The following DNAH17 variants were observed in gnomAD, a reference collection of about 807,000 sequenced individuals.
DNAH17 encodes axonemal beta dynein heavy chain 17.
DNAH17 carries 376 observed loss-of-function variants against 485.6 expected under a neutral mutation model. The observed-to-expected ratio is 0.77, with a 90% CI of 0.71 to 0.84. DNAH17 has a LOEUF of 0.84. Ranked by LOEUF, DNAH17 falls within the 40% of genes least tolerant of loss-of-function variation. The pLI, the probability that DNAH17 is intolerant of heterozygous loss-of-function variation, is 0.00. For missense variants in DNAH17, 6,370 were observed against 5,839.3 expected (o/e 1.09, Z -2.96); for synonymous variants, 3,031 against 2,405.9 (o/e 1.26, Z -7.60).
At chr17:78,489,439 A>T (rs1171752867) in intron 44 of DNAH17, 1 of 152,152 alleles carries the variant, frequency 6.6e-6, no homozygotes, top group East Asian at 1.9e-4. Flanking sequence ...TGCCTCCTCC[A>T]TACCTCATTG....
rs764728495 is a variant in DNAH17 at position 78,459,135 on chromosome 17, A to T, written c.9727T>A (p.Ser3243Thr). The T allele has an allele frequency of 1.9e-6, 3 of 1,613,980 alleles. No homozygotes were observed. Among genetic ancestry groups the T allele is most frequent in the Non-Finnish European group, 1.7e-6 (2 of 1,179,896 alleles). The change falls in exon 61 of 81, where the codon TCC (serine) becomes ACC (threonine). Residue 3243 changes from serine to threonine, a missense_variant. Transcript: ENST00000389840. Reference sequence around the variant, plus strand: ...AAGCGGACGATGTTGATGCACCAGGAGCACAGGCCGGCGGCGGCCGTGGAC... The same window carrying T: ...AAGCGGACGATGTTGATGCACCAGGTGCACAGGCCGGCGGCGGCCGTGGAC... ...SKSTAAAGLC[S>T]WCINIVRFYE... is the part of the protein sequence containing the mutation.
intron 31 of DNAH17, among the ~76,000 whole-genome samples, chr17:78,505,001 G>A (rs1327344333): frequency 7.0e-6 from 1 of 143,354 alleles, no homozygotes; most frequent in Admixed American, 7.5e-5. Flanking sequence ...TGCCTCCCGG[G>A]TTCAAGCGAT....
At chr17:78,462,795 G>A in intron 57 of DNAH17, 49 bp downstream of exon 57, 1 of 1,586,122 alleles carries the variant, frequency 6.3e-7, no homozygotes, top group African/African-American at 1.3e-5. Context: ...GCTCCTGCGA[G>A]GCCTCCAGGG....
intron 62 of DNAH17, chr17:78,458,319 C>T (rs541947979): frequency 5.4e-5 from 29 of 539,194 alleles, no homozygotes; most frequent in Non-Finnish European, 7.3e-5. Context: ...GATCAAGCCC[C>T]GTGGGACCCA....
intron 16 of DNAH17, among the ~76,000 whole-genome samples, chr17:78,544,340 G>A (rs1479628505): frequency 1.1e-4 from 16 of 152,152 alleles, no homozygotes; most frequent in African/African-American, 3.1e-4. Context: ...CCCGAGCGTC[G>A]AGGAGTGTGT....
At chr17:78,508,377 T>G (rs971640472) in intron 27 of DNAH17, among the ~76,000 whole-genome samples, 7 of 152,218 alleles carry the variant, frequency 4.6e-5, no homozygotes, top group Non-Finnish European at 8.8e-5. Flanking sequence ...AGCTCTCACC[T>G]TCCAGCCTCT....
intron 75 of DNAH17, 55 bp from the exon 76 acceptor site, chr17:78,429,355 A>C: frequency 1.9e-6 from 3 of 1,566,500 alleles, no homozygotes; most frequent in South Asian, 1.1e-5. Context: ...CTTCTCTGCC[A>C]TGAGAGGGTC....
In DNAH17 at chr17:78,514,888, G is replaced by T. The variant is rs762027053; in HGVS notation, c.3999C>A (p.Phe1333Leu). 1.2e-6 allele frequency: 2 copies of T among 1,614,052 alleles called. No individual in the cohort carries two copies. The highest frequency in any genetic ancestry group is 1.3e-5 in the African/African-American group (1 of 75,060). Residue 1333 changes from phenylalanine to leucine, a missense_variant, in exon 26 of 81, where the codon TTC becomes TTA. Phe to Leu is a conservative substitution (Grantham distance 22, BLOSUM62 0). Coordinates refer to ENST00000389840, the MANE Select transcript of DNAH17 (RefSeq NM_173628.4). The part of the protein sequence containing the change: ...LDKEMKTWDA[F>L]VGLDNTVKNV... ...TTTTCACGGTGTTGTCGAGCCCCAC[G>T]AAGGCATCCCAGGTTTTCATCTCCT...
In DNAH17 at chr17:78,462,931, G is replaced by C. The variant is rs377174623; in HGVS notation, c.9087C>G (p.Asn3029Lys). ...TFLEQIKLYQ[N>K]LLAKKRTELV... ...GTTCCGTTCTCTTCTTGGCCAGCAG[G>C]TTCTGGTACAGTTTGATCTGCTCCA... The change falls in exon 57 of 81, where the codon AAC (asparagine) becomes AAG (lysine). Residue 3029 changes from asparagine to lysine, a missense_variant. Asn to Lys is a moderately conservative substitution (Grantham distance 94, BLOSUM62 0). Coordinates refer to ENST00000389840, the MANE Select transcript of DNAH17 (RefSeq NM_173628.4). 2.5e-6 allele frequency: 4 copies of C among 1,613,856 alleles called. No homozygotes were observed. Among genetic ancestry groups the C allele is most frequent in the African/African-American group, 2.7e-5 (2 of 74,898 alleles).
At chr17:78,544,342 G>C (rs974911321) in intron 16 of DNAH17, among the ~76,000 whole-genome samples, 6 of 152,210 alleles carry the variant, frequency 3.9e-5, no homozygotes, top group Admixed American at 6.5e-5. Context: ...CGAGCGTCGA[G>C]GAGTGTGTGG....
At chr17:78,480,330 C>T (rs1044129264) in intron 49 of DNAH17, among the ~76,000 whole-genome samples, 6 of 151,914 alleles carry the variant, frequency 3.9e-5, no homozygotes, top group Non-Finnish European at 7.4e-5. Context: ...GCCTGGGTGA[C>T]AGAGTGAGAC....
At chr17:78,474,044 A>G (rs2088896862) in intron 54 of DNAH17, among the ~76,000 whole-genome samples, 1 of 152,238 alleles carries the variant, frequency 6.6e-6, no homozygotes, top group Non-Finnish European at 1.5e-5. Context: ...GGCAGAGAAC[A>G]GCCAGCCAGA....
intron 42 of DNAH17, 106 bp from the exon 43 acceptor site, chr17:78,491,676 A>AC: frequency 1.4e-6 from 2 of 1,463,544 alleles, no homozygotes. Flanking sequence ...CCTGTCCCCT[A>AC]CTTCAGAGGA....
rs1349919885 is a variant in DNAH17 at position 78,558,482 on chromosome 17, CATGGGTGGATG to C, written c.2032-239_2032-229del. ...CCTCATGGGTGGATGACATCACCCT[CATGGGTGGATG>C]ACATCACCCTCATGGGTGGATGACA... On this transcript the variant is annotated intron_variant, in intron 13 of 80. Coordinates refer to ENST00000389840, the MANE Select transcript of DNAH17 (RefSeq NM_173628.4). 3.6e-3 allele frequency among the ~76,000 whole-genome samples: 537 copies of C among 149,280 alleles called. 5 individuals are homozygous for C. The highest frequency in any genetic ancestry group is 0.013 in the African/African-American group (512 of 39,210).
chr17:78,444,460 GT>G lies in DNAH17; in HGVS notation c.11528+143del, dbSNP rs2087195730. 1.2e-5 allele frequency: 9 copies of G among 764,590 alleles called. No homozygotes were observed. In the South Asian group the frequency reaches 1.7e-4, roughly 15 times the overall value. The allele number at this position is 764,590 out of a possible 1,614,324, so 47.4% of individuals were successfully genotyped here. A position where few individuals can be genotyped will look rare whatever the true frequency, so the allele number is the denominator to read the frequency against. On this transcript the variant is annotated intron_variant, in intron 71 of 80. Coordinates refer to ENST00000389840, the MANE Select transcript of DNAH17 (RefSeq NM_173628.4). ...GAAATGATTTACCCCTCTAAGCCCT[GT>G]TTCGTTTCTGTGTAAAATGGGGAGA... is the stretch of plus-strand genomic sequence containing the variant.
At chr17:78,465,766 G>A (rs917738528) in intron 56 of DNAH17, among the ~76,000 whole-genome samples, 2 of 141,806 alleles carry the variant, frequency 1.4e-5, no homozygotes, top group Admixed American at 1.3e-4. Context: ...GGTGGGGGCG[G>A]TCAGCCCCCG....
At chr17:78,440,865 G>T (rs1032877010) in intron 72 of DNAH17, among the ~76,000 whole-genome samples, 186 bp downstream of exon 72, 1 of 152,212 alleles carries the variant, frequency 6.6e-6, no homozygotes, top group Non-Finnish European at 1.5e-5. Context: ...ACCTACAAGG[G>T]TCGCAGTTCT....
At chr17:78,524,755 G>A (rs2091020212) in intron 25 of DNAH17, among the ~76,000 whole-genome samples, 1 of 152,152 alleles carries the variant, frequency 6.6e-6, no homozygotes. Context: ...AAAAGACGAA[G>A]GGAGGGGAAA....
intron 75 of DNAH17, among the ~76,000 whole-genome samples, 183 bp from the exon 76 acceptor site, chr17:78,429,483 T>C (rs955093131): frequency 3.9e-5 from 6 of 152,126 alleles, no homozygotes; most frequent in Non-Finnish European, 8.8e-5. Context: ...CCACCTTTCT[T>C]TCCATTCCGC....
Sources: gnomAD v4.1 joint callset for allele counts (sites outside exome capture counted in the v4.1 genomes callset) on GRCh38, gnomAD v4.1.1 for gene constraint, MANE v1.5 for transcripts, NCBI Gene and HGNC (gene_info 2026-07-23, HGNC 2026-07-21) for gene names.